TMLHE: variants seen among roughly 807,000 people sequenced by gnomAD.
TMLHE encodes trimethyllysine dioxygenase, mitochondrial.
A neutral mutation model predicts 25.7 loss-of-function variants in TMLHE; 18 were observed. The ratio of observed to expected loss-of-function variants is 0.70; its 90% CI spans 0.48 to 1.04. TMLHE has a LOEUF of 1.04. Ranked by LOEUF, TMLHE falls within the 50% of genes least tolerant of loss-of-function variation. The pLI is 0.00. For synonymous variants in TMLHE, 105 were observed against 97.0 expected (o/e 1.08, Z -0.49); for missense variants, 236 against 259.0 (o/e 0.91, Z 0.61).
At chrX:155,526,844 T>C (rs2067222625) in intron 2 of TMLHE, among the ~76,000 whole-genome samples, 2 of 113,159 alleles carry the variant, frequency 1.8e-5, no homozygotes. Flanking sequence ...GTTTTGAACT[T>C]GCATGGGGCC....
chrX:155,540,149 ACT>A (rs1423936243), intron 2 of TMLHE, among the ~76,000 whole-genome samples: 20 of 109,671 alleles, frequency 1.8e-4, no homozygotes, highest in Non-Finnish European at 3.4e-4. Context: ...ATGGCTGAAA[ACT>A]CTCCAAATTT....
chrX:155,591,773 T>A (rs781850647), intron 1 of TMLHE, among the ~76,000 whole-genome samples: 40 of 111,780 alleles, frequency 3.6e-4, no homozygotes, highest in Non-Finnish European at 6.4e-4. Context: ...ATAGCCATTA[T>A]GGAAAACATT....
chrX:155,512,325 C>A (rs1431974812), intron 4 of TMLHE, among the ~76,000 whole-genome samples: 3 of 99,474 alleles, frequency 3.0e-5, no homozygotes, highest in Admixed American at 1.1e-4. Flanking sequence ...CCCTTCCCCC[C>A]ACCCCACAAC....
At chrX:155,545,926 G>A in intron 1 of TMLHE, among the ~76,000 whole-genome samples, 1 of 110,454 alleles carries the variant, frequency 9.1e-6, no homozygotes, top group Non-Finnish European at 1.9e-5. Flanking sequence ...ATGTATCCCT[G>A]TCGTTATCCT....
At chrX:155,543,439 C>CA (rs1291406415) in intron 2 of TMLHE, among the ~76,000 whole-genome samples, 1 of 110,938 alleles carries the variant, frequency 9.0e-6, no homozygotes, top group Non-Finnish European at 1.9e-5. Flanking sequence ...GTAATAGTTG[C>CA]AAAAAAATAC....
At chrX:155,552,237 T>C (rs2067420692) in intron 1 of TMLHE, among the ~76,000 whole-genome samples, 1 of 110,532 alleles carries the variant, frequency 9.0e-6, no homozygotes, top group Non-Finnish European at 1.9e-5. Flanking sequence ...TACAGTATTA[T>C]TCTAACTTTA....
intron 1 of TMLHE, among the ~76,000 whole-genome samples, chrX:155,562,375 C>A (rs2067499852): frequency 1.8e-5 from 1 of 56,528 alleles, no homozygotes; most frequent in African/African-American, 4.0e-5. Flanking sequence ...AGCAGGGAGG[C>A]CCTGGGCCTG....
At chrX:155,559,541 A>G (rs1557341406) in intron 1 of TMLHE, among the ~76,000 whole-genome samples, 1 of 111,908 alleles carries the variant, frequency 8.9e-6, no homozygotes, top group Non-Finnish European at 1.9e-5. Context: ...ATTAAGGTCC[A>G]AAAAGTATCA....
intron 1 of TMLHE, among the ~76,000 whole-genome samples, chrX:155,608,421 G>C (rs782656503): frequency 1.8e-5 from 2 of 111,845 alleles, no homozygotes; most frequent in South Asian, 7.4e-4. Context: ...AAATGGATTA[G>C]ACTTAAATGT....
intron 1 of TMLHE, among the ~76,000 whole-genome samples, chrX:155,581,668 A>G (rs1328600741): frequency 2.7e-5 from 3 of 112,004 alleles, no homozygotes; most frequent in Non-Finnish European, 5.6e-5. Flanking sequence ...TCAATAAAAT[A>G]AAAGAGGACA....
chrX:155,578,253 C>T (rs781831618), intron 1 of TMLHE, among the ~76,000 whole-genome samples: 1 of 111,759 alleles, frequency 8.9e-6, no homozygotes, highest in Non-Finnish European at 1.9e-5. Context: ...CTGCCCCCAC[C>T]TGAATATCCT....
At chrX:155,549,436 G>C (rs1557339663) in intron 1 of TMLHE, among the ~76,000 whole-genome samples, 2 of 109,978 alleles carry the variant, frequency 1.8e-5, no homozygotes, top group African/African-American at 3.4e-5. Context: ...GTATTTATCA[G>C]GAATATGACT....
rs188747337 is a variant in TMLHE, at chrX:155,606,414, T to C, written c.-2+6378A>G. ...AACAAAAATCATACCAGCCACATTCTCAGACCACAGCACAATAAAAATAGA... is the reference window on the plus strand; with the variant it reads ...AACAAAAATCATACCAGCCACATTCCCAGACCACAGCACAATAAAAATAGA... On this transcript the variant is annotated intron_variant, in intron 1 of 7. Coordinates refer to ENST00000334398, the MANE Select transcript of TMLHE (RefSeq NM_018196.4). Among the ~76,000 whole-genome samples the C allele has an allele frequency of 1.5e-3, 169 of 111,813 alleles. 4 individuals carry two copies. The East Asian group carries it at 0.029, about 19-fold the overall frequency.
At chrX:155,608,901 G>A (rs1217736287) in intron 1 of TMLHE, among the ~76,000 whole-genome samples, 5 of 111,962 alleles carry the variant, frequency 4.5e-5, no homozygotes, top group African/African-American at 9.8e-5. Context: ...AGATGTTGGC[G>A]ATGGTGCAAA....
intron 3 of TMLHE, among the ~76,000 whole-genome samples, chrX:155,515,704 A>C (rs1184957520): frequency 2.7e-5 from 3 of 111,407 alleles, no homozygotes; most frequent in Non-Finnish European, 5.7e-5. Flanking sequence ...ATTTTAACTT[A>C]TTTGCTTACT....
Position 155,512,187 on chromosome X carries a change from T to C in TMLHE, c.639-395A>G, listed in dbSNP as rs782029495. On this transcript the variant is annotated intron_variant, in intron 4 of 7. Transcript: ENST00000334398. ...TTTATTTTATTAATTATTATTATAC[T>C]TTAAGTTTTAGGGTACATGTGCACA... Among the ~76,000 whole-genome samples the C allele has an allele frequency of 2.2e-3, 248 of 110,882 alleles. 1 individual carries two copies. Among genetic ancestry groups the C allele is most frequent in the Non-Finnish European group, 3.4e-3 (182 of 52,962 alleles).
intron 1 of TMLHE, among the ~76,000 whole-genome samples, chrX:155,609,853 C>T (rs782089753): frequency 8.9e-6 from 1 of 111,948 alleles, no homozygotes; most frequent in African/African-American, 3.2e-5. Context: ...AGAATAGCTA[C>T]ACATTTGAAA....
At chrX:155,551,735 C>T (rs1281065952) in intron 1 of TMLHE, among the ~76,000 whole-genome samples, 1 of 110,032 alleles carries the variant, frequency 9.1e-6, no homozygotes, top group East Asian at 2.8e-4. Flanking sequence ...GTTTTAATGT[C>T]CTGGTCAGAA....
Position 155,518,455 on chromosome X carries a change from C to G in TMLHE, c.359-4190G>C, listed in dbSNP as rs1332652534. Among the ~76,000 whole-genome samples, 110 of 93,214 alleles carry G rather than the reference C, an allele frequency of 1.2e-3. 1 individual carries two copies. Among genetic ancestry groups the G allele is most frequent in the African/African-American group, 4.2e-3 (108 of 25,897 alleles). The allele number at this position is 93,214 out of a possible 115,157, so 80.9% of individuals were successfully genotyped here. A position where few individuals can be genotyped will look rare whatever the true frequency, so the allele number is the denominator to read the frequency against. On this transcript the variant is annotated intron_variant, in intron 3 of 7. Coordinates refer to ENST00000334398, the MANE Select transcript of TMLHE (RefSeq NM_018196.4). ...TATTGAGGATTTTTGCATCAATGTTCATCAAGGATATTGGTCTAAAATTCT... is the reference window on the plus strand; with the variant it reads ...TATTGAGGATTTTTGCATCAATGTTGATCAAGGATATTGGTCTAAAATTCT...
Sources: allele counts gnomAD v4.1 joint callset (sites outside exome capture counted in the v4.1 genomes callset), GRCh38; gene constraint gnomAD v4.1.1; transcripts MANE v1.5; gene names NCBI Gene and HGNC (gene_info 2026-07-23, HGNC 2026-07-21).